Variants in INVS observed in about 807,000 individuals in gnomAD.
The protein encoded by INVS is inversin, also known as inversion of embryo turning homolog.
Under a neutral mutation model 108.8 loss-of-function variants are expected in INVS, and 86 were observed. The ratio of observed to expected loss-of-function variants is 0.79; its 90% confidence interval spans 0.66 to 0.95. The LOEUF (loss-of-function observed/expected upper bound fraction) is 0.95, where lower values mean the gene tolerates loss of function less well. Ranked by LOEUF, INVS falls within the 40% of genes least tolerant of loss-of-function variation. The probability of loss-of-function intolerance (pLI) is 0.00; values close to 1 mark genes in which losing one functional copy is unlikely to be tolerated. For missense variants in INVS, 1,169 were observed against 1,297.4 expected, an observed-to-expected ratio of 0.90 and a Z score of 1.52; for synonymous variants, 455 against 473.5, an observed-to-expected ratio of 0.96 and a Z score of 0.51.
At chr9:100,228,027 A>G (rs1420075728) in intron 4 of INVS, among the ~76,000 whole-genome samples, 39 of 130,160 alleles carry the variant, frequency 3.0e-4, no homozygotes, top group Middle Eastern at 0.01. Context: ...GTCTCACTCT[A>G]TCACCCAGGC....
chr9:100,130,603 T>G (rs1488493588), intron 3 of INVS: 1 of 152,200 alleles, frequency 6.6e-6, no homozygotes, highest in Non-Finnish European at 1.5e-5. Context: ...AATCGTCATT[T>G]CCCTTTGTTT....
intron 8 of INVS, among the ~76,000 whole-genome samples, chr9:100,249,891 G>A (rs1172389870): frequency 5.3e-5 from 8 of 151,890 alleles, no homozygotes; most frequent in Non-Finnish European, 1.0e-4. Flanking sequence ...GATCACCTGA[G>A]GTCAGGAGTT....
chr9:100,297,019 G>A lies in INVS; in HGVS notation c.2889G>A (p.Gln963=). ...AAGAGTCTACAGCATTGCTCCTCCA[G>A]GTTTGGAGGAAGGAACTGGAACTAA... The part of the protein sequence containing the change: ...WRQESTALLL[Q]VWRKELELKF... Residue 963 remains glutamine (Q), a synonymous_variant, in exon 15 of 17, where the codon CAG becomes CAA. Coordinates refer to ENST00000262457, the MANE Select transcript of INVS (RefSeq NM_014425.5). 6.2e-7 allele frequency: 1 copy of A among 1,613,882 alleles called. No homozygotes were observed. The highest frequency in any genetic ancestry group is 8.5e-7 in the Non-Finnish European group (1 of 1,179,878).
intron 3 of INVS, among the ~76,000 whole-genome samples, chr9:100,216,149 T>G (rs1830979316): frequency 6.6e-6 from 1 of 152,186 alleles, no homozygotes; most frequent in African/African-American, 2.4e-5. Context: ...TGTTTGTAGT[T>G]TGTGGCCCCA....
At chr9:100,154,331 AT>A (rs780090630) in intron 3 of INVS, among the ~76,000 whole-genome samples, 446 of 68,546 alleles carry the variant, frequency 6.5e-3, no homozygotes, top group African/African-American at 0.022. Flanking sequence ...CAACCGACTA[AT>A]TTTTTTTTTT....
At chr9:100,158,033 A>G (rs1428277076) in intron 3 of INVS, among the ~76,000 whole-genome samples, 1 of 152,164 alleles carries the variant, frequency 6.6e-6, no homozygotes, top group Non-Finnish European at 1.5e-5. Context: ...AACATTTGTC[A>G]CTCAATAAGG....
chr9:100,184,704 T>C (rs1033711838), intron 3 of INVS, among the ~76,000 whole-genome samples: 7 of 152,044 alleles, frequency 4.6e-5, no homozygotes, highest in African/African-American at 1.4e-4. Flanking sequence ...GGCTACATGG[T>C]ATACAAAAAA....
intron 3 of INVS, among the ~76,000 whole-genome samples, chr9:100,194,746 C>A (rs1189739256): frequency 1.3e-5 from 2 of 152,070 alleles, no homozygotes; most frequent in Non-Finnish European, 2.9e-5. Context: ...ACAGGAATAA[C>A]AAATGTAGGG....
intron 3 of INVS, among the ~76,000 whole-genome samples, chr9:100,143,049 G>T (rs1038781185): frequency 1.3e-5 from 2 of 152,202 alleles, no homozygotes; most frequent in Non-Finnish European, 2.9e-5. Flanking sequence ...AATGGGGGCT[G>T]TCTGTGAAGC....
chr9:100,296,811 C>G (rs1467277394), intron 14 of INVS, 106 bp from the exon 15 acceptor site: 1 of 884,870 alleles, frequency 1.1e-6, no homozygotes, highest in East Asian at 2.6e-5. Flanking sequence ...ATGAACCTAC[C>G]AGGAATTCAG....
intron 3 of INVS, among the ~76,000 whole-genome samples, chr9:100,224,874 A>G (rs900641211): frequency 6.6e-6 from 1 of 151,582 alleles, no homozygotes; most frequent in African/African-American, 2.4e-5. Flanking sequence ...TCAGCCTCCC[A>G]AAGTGCTGGG....
chr9:100,132,209 AATTT>A (rs1828074338), intron 3 of INVS, among the ~76,000 whole-genome samples: 1 of 140,238 alleles, frequency 7.1e-6, no homozygotes, highest in Admixed American at 7.6e-5. Flanking sequence ...TAAAGACAGT[AATTT>A]ATTTAAGGAA....
chr9:100,295,102 G>A (rs980234731), intron 14 of INVS, among the ~76,000 whole-genome samples: 3 of 152,134 alleles, frequency 2.0e-5, no homozygotes, highest in Admixed American at 1.3e-4. Flanking sequence ...AAGTATTCTG[G>A]CTAAAATCTA....
chr9:100,293,839 T>C (rs952542360), intron 14 of INVS, among the ~76,000 whole-genome samples: 1 of 152,182 alleles, frequency 6.6e-6, no homozygotes, highest in African/African-American at 2.4e-5. Context: ...CAGTGATGAA[T>C]GTCCAGAGAG....
At chr9:100,138,266 C>T (rs1283773893) in intron 3 of INVS, among the ~76,000 whole-genome samples, 3 of 151,834 alleles carry the variant, frequency 2.0e-5, no homozygotes, top group Admixed American at 6.6e-5. Flanking sequence ...ATTAGCTGGG[C>T]GTGGTGGCAC....
intron 2 of INVS, among the ~76,000 whole-genome samples, chr9:100,123,497 G>A (rs1035713756): frequency 2.0e-5 from 3 of 152,050 alleles, no homozygotes; most frequent in African/African-American, 4.8e-5. Context: ...TTAACCATTC[G>A]TCAGTTGATG....
At chr9:100,228,149 C>A (rs1831394304) in intron 4 of INVS, among the ~76,000 whole-genome samples, 1 of 152,024 alleles carries the variant, frequency 6.6e-6, no homozygotes, top group Non-Finnish European at 1.5e-5. Context: ...CGCCACCAGG[C>A]CCAACTAATT....
At chr9:100,133,933 C>CT (rs920228002) in intron 3 of INVS, among the ~76,000 whole-genome samples, 1 of 152,034 alleles carries the variant, frequency 6.6e-6, no homozygotes, top group African/African-American at 2.4e-5. Context: ...GCAAACATTC[C>CT]TTTTTTTAAC....
rs60762136 is a variant in INVS at position 100,189,106 on chromosome 9, C to CTTTTTTTTTTTTTT, written c.274-36948_274-36935dup. On this transcript the variant is annotated intron_variant, in intron 3 of 16. Coordinates refer to ENST00000262457, the MANE Select transcript of INVS (RefSeq NM_014425.5). ...TTCTAATGGAACTTATTTGCATCTT[C>CTTTTTTTTTTTTTT]TTTTTTTTTTTTTTTTTTTTTGGTT... Among the ~76,000 whole-genome samples, 88 of 69,520 alleles carry CTTTTTTTTTTTTTT rather than the reference C, an allele frequency of 1.3e-3. 4 individuals carry two copies. The highest frequency in any genetic ancestry group is 4.8e-3 in the African/African-American group (71 of 14,728). 45.6% of individuals were successfully genotyped at this position (69,520 alleles called of 152,430 possible).
Sources: gnomAD v4.1 joint callset for allele counts (sites outside exome capture counted in the v4.1 genomes callset) on GRCh38, gnomAD v4.1.1 for gene constraint, MANE v1.5 for transcripts, NCBI Gene and HGNC (gene_info 2026-07-23, HGNC 2026-07-21) for gene names.